The following PDE1C variants were observed in gnomAD, a reference collection of about 807,000 sequenced individuals.
The protein encoded by PDE1C is dual specificity calcium/calmodulin-dependent 3',5'-cyclic nucleotide phosphodiesterase 1C.
A neutral mutation model predicts 93.1 loss-of-function variants in PDE1C; 62 were observed. The observed-to-expected ratio is 0.67, with a 90% CI of 0.54 to 0.82. PDE1C has a LOEUF of 0.82. PDE1C is among the 40% of genes least tolerant of loss of function. PDE1C has a pLI of 0.00. For synonymous variants in PDE1C, 325 were observed against 310.1 expected (o/e 1.05, Z -0.50); for missense variants, 742 against 884.6 (o/e 0.84, Z 2.04).
At chr7:32,398,290 G>A (rs1240821112) in intron 1 of PDE1C, among the ~76,000 whole-genome samples, 12 of 130,988 alleles carry the variant, frequency 9.2e-5, no homozygotes, top group Non-Finnish European at 1.6e-4. Context: ...GTGACAGGGC[G>A]AGACTCCGTC....
At chr7:32,033,943 G>T (rs1253407047) in intron 2 of PDE1C, among the ~76,000 whole-genome samples, 3 of 152,080 alleles carry the variant, frequency 2.0e-5, no homozygotes, top group African/African-American at 7.2e-5. Context: ...ATTATGGACT[G>T]CTCTCTATCA....
chr7:32,065,338 T>C (rs1320910497), intron 1 of PDE1C, among the ~76,000 whole-genome samples: 1 of 152,202 alleles, frequency 6.6e-6, no homozygotes, highest in Admixed American at 6.5e-5. Flanking sequence ...AAAGGTTTCT[T>C]TGCATTTTTG....
chr7:31,664,412 G>C, the PDE1C span, among the ~76,000 whole-genome samples: 2 of 152,230 alleles, frequency 1.3e-5, no homozygotes, highest in Admixed American at 6.5e-5. Flanking sequence ...GGGACACACT[G>C]ATCCATGGCC....
chr7:31,711,931 C>T, the PDE1C span, among the ~76,000 whole-genome samples: 1 of 152,086 alleles, frequency 6.6e-6, no homozygotes. Flanking sequence ...GGCTGGGGAC[C>T]CTCCTCTCCC....
chr7:32,112,261 C>T (rs538867142), intron 3 of PDE1C, among the ~76,000 whole-genome samples: 1 of 152,070 alleles, frequency 6.6e-6, no homozygotes, highest in East Asian at 1.9e-4. Flanking sequence ...TCCTTATTTT[C>T]CTCTTCCTTC....
At chr7:31,864,896 A>G (rs1468648780) in intron 7 of PDE1C, 46 bp downstream of exon 7, 3 of 1,589,588 alleles carry the variant, frequency 1.9e-6, no homozygotes, top group African/African-American at 1.3e-5. Flanking sequence ...TTAAAAACTC[A>G]TCCTTACATC....
At position 31,989,863 on chromosome 7, in the gene PDE1C, C is replaced by T. The variant is rs142752190; in HGVS notation, c.128+61691G>A. 5.5e-3 allele frequency among the ~76,000 whole-genome samples: 841 copies of T among 152,350 alleles called. 2 individuals are homozygous for T. The highest frequency in any genetic ancestry group is 0.01 in the Middle Eastern group (3 of 294). On this transcript the variant is annotated intron_variant, in intron 2 of 17. Coordinates refer to ENST00000396191, the MANE Select transcript of PDE1C (RefSeq NM_001191057.4). ...AGTTACCTATCTTATCCAAAACTCA[C>T]ATTTCATCCCTCAACTAGAAAAACA...
intron 7 of PDE1C, among the ~76,000 whole-genome samples, chr7:31,864,413 C>T (rs2270221): frequency 0.3 from 45,391 of 151,852 alleles, 6,965 homozygotes; most frequent in South Asian, 0.37. Flanking sequence ...AAATGTTGGG[C>T]CAAAAGAAGC....
chr7:31,960,477 G>A (rs183097056), intron 2 of PDE1C, among the ~76,000 whole-genome samples: 115 of 152,256 alleles, frequency 7.6e-4, no homozygotes, highest in African/African-American at 2.4e-3. Context: ...AAAGGAGAAG[G>A]GAGGATACTG....
At chr7:32,063,562 A>G (rs1056611355) in intron 1 of PDE1C, among the ~76,000 whole-genome samples, 37 of 152,232 alleles carry the variant, frequency 2.4e-4, no homozygotes, top group African/African-American at 8.9e-4. Context: ...ACACTAGCAT[A>G]ACCAAATTAC....
chr7:32,262,126 T>G (rs1329946250), intron 1 of PDE1C, among the ~76,000 whole-genome samples: 1 of 151,848 alleles, frequency 6.6e-6, no homozygotes, highest in African/African-American at 2.4e-5. Context: ...ATGGGAATAT[T>G]TTTTAGTTTT....
At chr7:32,057,034 A>C (rs952172149) in intron 1 of PDE1C, among the ~76,000 whole-genome samples, 1 of 152,226 alleles carries the variant, frequency 6.6e-6, no homozygotes, top group Non-Finnish European at 1.5e-5. Flanking sequence ...ACTCCCCTTA[A>C]ATGTCAAAGC....
chr7:32,313,962 A>G (rs1783112499), intron 1 of PDE1C, among the ~76,000 whole-genome samples: 1 of 152,076 alleles, frequency 6.6e-6, no homozygotes, highest in African/African-American at 2.4e-5. Context: ...AACCAAAAAC[A>G]TTCCTAAGTA....
intron 2 of PDE1C, among the ~76,000 whole-genome samples, chr7:31,919,908 C>T (rs1344553361): frequency 6.6e-6 from 1 of 152,204 alleles, no homozygotes; most frequent in Admixed American, 6.5e-5. Context: ...TTTCTGGCTC[C>T]TCTGAGCAGC....
chr7:31,899,442 G>A (rs1799708981), intron 2 of PDE1C, among the ~76,000 whole-genome samples: 4 of 152,116 alleles, frequency 2.6e-5, no homozygotes, highest in South Asian at 2.1e-4. Context: ...GCGCCCGGCC[G>A]GACAGTCCCG....
chr7:31,798,492 A>T (rs1227599906), intron 16 of PDE1C, among the ~76,000 whole-genome samples: 1 of 151,752 alleles, frequency 6.6e-6, no homozygotes, highest in Non-Finnish European at 1.5e-5. Flanking sequence ...GAATTCTCAA[A>T]ATGCCAAACA....
At position 31,811,251 on chromosome 7, in the gene PDE1C, C is replaced by T. The variant is rs574572771; in HGVS notation, c.1814-2143G>A. Among the ~76,000 whole-genome samples the T allele has an allele frequency of 4.2e-3, 638 of 152,180 alleles. 2 individuals are homozygous for T. The highest frequency in any genetic ancestry group is 6.0e-3 in the Non-Finnish European group (410 of 67,996). On this transcript the variant is annotated intron_variant, in intron 15 of 17. Transcript: ENST00000396191. ...CCACCACCATGTAAGATGTGCCTTT[C>T]ACCTTCCACCATGATTGTGAAGCCT...
intron 16 of PDE1C, chr7:31,785,250 G>C (rs1382865697): frequency 1.3e-5 from 2 of 152,118 alleles, no homozygotes; most frequent in Non-Finnish European, 2.9e-5. Context: ...CCCACAAAGG[G>C]GGACAAGGTC....
chr7:31,977,048 T>A (rs185361899), intron 2 of PDE1C, among the ~76,000 whole-genome samples: 1 of 152,336 alleles, frequency 6.6e-6, no homozygotes, highest in African/African-American at 2.4e-5. Context: ...AGCCTTTCAA[T>A]GATTCAGAAA....
Sources: gnomAD v4.1 joint callset for allele counts (sites outside exome capture counted in the v4.1 genomes callset) on GRCh38, gnomAD v4.1.1 for gene constraint, MANE v1.5 for transcripts, NCBI Gene and HGNC (gene_info 2026-07-23, HGNC 2026-07-21) for gene names.